The following WWOX variants were observed in gnomAD, a reference collection of about 807,000 sequenced individuals.
WWOX encodes the protein WW domain containing oxidoreductase.
Under a neutral mutation model 46.2 loss-of-function variants are expected in WWOX, and 69 were observed. The ratio of observed to expected loss-of-function variants is 1.49; its 90% CI spans 1.23 to 1.82. WWOX has a LOEUF of 1.82. WWOX is among the 40% of genes most tolerant of loss of function. WWOX has a pLI of 0.00. For synonymous variants in WWOX, 359 were observed against 202.6 expected, an observed-to-expected ratio of 1.77 and a Z score of -6.56; for missense variants, 919 against 542.6, an observed-to-expected ratio of 1.69 and a Z score of -6.89.
At chr16:79,114,205 T>C (rs573804477) in intron 8 of WWOX, among the ~76,000 whole-genome samples, 2 of 152,126 alleles carry the variant, frequency 1.3e-5, no homozygotes, top group South Asian at 2.1e-4. Flanking sequence ...CCAGAAGATA[T>C]GTTGAAGTCC....
chr16:78,211,228 T>TA (rs1395018890), intron 5 of WWOX, among the ~76,000 whole-genome samples: 1 of 152,162 alleles, frequency 6.6e-6, no homozygotes, highest in Non-Finnish European at 1.5e-5. Context: ...GGGTGGGTGT[T>TA]ACTTCTCAAG....
At chr16:78,400,399 G>A (rs1014065145) in intron 6 of WWOX, among the ~76,000 whole-genome samples, 11 of 152,294 alleles carry the variant, frequency 7.2e-5, no homozygotes, top group South Asian at 2.1e-4. Flanking sequence ...CGGTTCCCCA[G>A]CTTGGCTGTG....
rs113534005 is a variant in WWOX at position 78,828,375 on chromosome 16, C to T, written c.1057-383233C>T. 8.5e-3 allele frequency among the ~76,000 whole-genome samples: 1,298 copies of T among 152,186 alleles called. 18 individuals carry two copies. The highest frequency in any genetic ancestry group is 0.029 in the African/African-American group (1,217 of 41,480). On this transcript the variant is annotated intron_variant, in intron 8 of 8. Transcript: ENST00000566780. ...TGGAGGTGAGTGAGAAGAACGGATA[C>T]GGTTAGGACCAACATTTAGGCAATA... is the stretch of plus-strand genomic sequence containing the variant.
chr16:79,071,835 C>T (rs949827021), intron 8 of WWOX, among the ~76,000 whole-genome samples: 2 of 152,198 alleles, frequency 1.3e-5, no homozygotes, highest in African/African-American at 4.8e-5. Flanking sequence ...GGGAGCTCTG[C>T]TTCTCTGGAG....
chr16:78,547,092 CA>C (rs994113341), intron 8 of WWOX, among the ~76,000 whole-genome samples: 19 of 135,022 alleles, frequency 1.4e-4, no homozygotes, highest in South Asian at 2.4e-4. Context: ...CATGCCACTG[CA>C]CTCCAGCCTG....
At chr16:78,939,946 A>G (rs1009303725) in intron 8 of WWOX, among the ~76,000 whole-genome samples, 1 of 152,236 alleles carries the variant, frequency 6.6e-6, no homozygotes. Flanking sequence ...GCCCCCACCC[A>G]GATAGAATAT....
At chr16:78,728,055 CTTTTTTTTTTT>C (rs758484198) in intron 8 of WWOX, among the ~76,000 whole-genome samples, 7 of 86,806 alleles carry the variant, frequency 8.1e-5, no homozygotes, top group Admixed American at 1.3e-4. Flanking sequence ...TCCCTCCTTC[CTTTTTTTTTTT>C]TTTTTTTTTT....
In WWOX at chr16:78,338,849, CAG is replaced by C. The variant is rs1210293456; in HGVS notation, c.517-48008_517-48007del. On this transcript the variant is annotated intron_variant, in intron 5 of 8. Transcript: ENST00000566780. ...TCTTTTTCTTTTTGTAAAAATTGTA[CAG>C]AGTTTAAAGTTAGTCAGGTATGTCT... Among the ~76,000 whole-genome samples the C allele has an allele frequency of 1.7e-5, 2 of 119,518 alleles. 1 individual carries two copies. The highest frequency in any genetic ancestry group is 5.0e-4 in the South Asian group (2 of 4,020). 78.4% of individuals were successfully genotyped at this position (119,518 alleles called of 152,430 possible).
chr16:78,528,165 A>ATTTTTTTTTTTTTTTTTTTT (rs56803717), intron 8 of WWOX, among the ~76,000 whole-genome samples: 6 of 58,398 alleles, frequency 1.0e-4, no homozygotes, highest in African/African-American at 3.3e-4. Flanking sequence ...CACCTGGCTA[A>ATTTTTTTTTTTTTTTTTTTT]TTTTTTTTTT....
intron 8 of WWOX, among the ~76,000 whole-genome samples, chr16:79,115,236 TAACA>T (rs2049492230): frequency 6.6e-6 from 1 of 152,344 alleles, no homozygotes; most frequent in African/African-American, 2.4e-5. Context: ...GAATTCTCTC[TAACA>T]ATCAATGGAA....
chr16:78,128,853 C>T (rs1207803388), intron 4 of WWOX, among the ~76,000 whole-genome samples: 3 of 152,212 alleles, frequency 2.0e-5, no homozygotes, highest in African/African-American at 7.2e-5. Flanking sequence ...CTTCTAAATT[C>T]AGCAGCTAGG....
At chr16:78,351,157 GC>G (rs1205999062) in intron 5 of WWOX, among the ~76,000 whole-genome samples, 1 of 152,128 alleles carries the variant, frequency 6.6e-6, no homozygotes, top group Non-Finnish European at 1.5e-5. Context: ...TGCAGTGTGT[GC>G]TTTTAGGCAC....
chr16:79,147,831 A>G (rs984885104), intron 8 of WWOX, among the ~76,000 whole-genome samples: 3 of 152,218 alleles, frequency 2.0e-5, no homozygotes, highest in African/African-American at 7.2e-5. Flanking sequence ...CCTGATAGCT[A>G]ATAATTTTAA....
At chr16:78,534,452 T>G (rs2043707720) in intron 8 of WWOX, 1 of 152,238 alleles carries the variant, frequency 6.6e-6, no homozygotes, top group South Asian at 2.1e-4. Flanking sequence ...GTAATTTCCC[T>G]GGAAACTCAA....
intron 8 of WWOX, among the ~76,000 whole-genome samples, chr16:78,655,567 A>G (rs957184471): frequency 2.6e-5 from 4 of 152,176 alleles, no homozygotes; most frequent in African/African-American, 9.7e-5. Flanking sequence ...TATTACCATT[A>G]ACAATTGATG....
chr16:78,976,274 A>C (rs948069334), intron 8 of WWOX, among the ~76,000 whole-genome samples: 2 of 152,100 alleles, frequency 1.3e-5, no homozygotes, highest in African/African-American at 4.8e-5. Flanking sequence ...CTTGTGAAAC[A>C]CTCCTACTTC....
chr16:78,832,301 G>C (rs1237327544), intron 8 of WWOX, among the ~76,000 whole-genome samples: 1 of 152,152 alleles, frequency 6.6e-6, no homozygotes, highest in African/African-American at 2.4e-5. Flanking sequence ...ATGTCATCTG[G>C]TCTCCCACAG....
chr16:78,901,636 G>A (rs1005293999), intron 8 of WWOX, among the ~76,000 whole-genome samples: 15 of 152,114 alleles, frequency 9.9e-5, no homozygotes, highest in African/African-American at 2.9e-4. Context: ...CACAGGCATG[G>A]GCCACCACGC....
intron 8 of WWOX, among the ~76,000 whole-genome samples, chr16:78,516,075 C>G (rs1303729255): frequency 6.6e-6 from 1 of 152,054 alleles, no homozygotes; most frequent in East Asian, 1.9e-4. Context: ...GTGCTCATCC[C>G]AATTATTGAA....
Sources: gnomAD v4.1 joint callset for allele counts (sites outside exome capture counted in the v4.1 genomes callset) on GRCh38, gnomAD v4.1.1 for gene constraint, MANE v1.5 for transcripts, NCBI Gene and HGNC (gene_info 2026-07-23, HGNC 2026-07-21) for gene names.